Variants in ARIH1 observed in about 807,000 individuals in gnomAD.
ARIH1 encodes the protein ariadne RBR E3 ubiquitin protein ligase 1, also known as E3 ubiquitin-protein ligase ARIH1.
Under a neutral mutation model 85.0 loss-of-function variants are expected in ARIH1, and 8 were observed. The observed-to-expected ratio is 0.09, with a 90% CI of 0.06 to 0.17. ARIH1 has a LOEUF of 0.17. ARIH1 is among the 10% of genes least tolerant of loss of function. The pLI is 1.00. For missense variants in ARIH1, 311 were observed against 718.1 expected (o/e 0.43, Z 6.48); for synonymous variants, 238 against 253.6 (o/e 0.94, Z 0.59).
At chr15:72,558,784 G>C (rs2064185470) in intron 5 of ARIH1, among the ~76,000 whole-genome samples, 1 of 152,138 alleles carries the variant, frequency 6.6e-6, no homozygotes, top group Non-Finnish European at 1.5e-5. Context: ...CCTAATAACT[G>C]TTGGCTGATG....
chr15:72,586,114 C>G lies in ARIH1; in HGVS notation c.*2822C>G, dbSNP rs2064315627. ...AGCATATAATATCAGACTAAATTAT[C>G]TGTAATTTTCCACAACCCAGATTGT... On this transcript the variant is annotated 3_prime_UTR_variant, in exon 14 of 14. Coordinates refer to ENST00000379887, the MANE Select transcript of ARIH1 (RefSeq NM_005744.5). 6.6e-6 allele frequency: 1 copy of G among 152,156 alleles called. No homozygotes were observed. Among genetic ancestry groups the G allele is most frequent in the African/African-American group, 2.4e-5 (1 of 41,450 alleles). The allele number at this position is 152,156 out of a possible 1,614,324, so 9.4% of individuals were successfully genotyped here.
chr15:72,574,762 A>T (rs2064262484), intron 11 of ARIH1, among the ~76,000 whole-genome samples: 1 of 152,150 alleles, frequency 6.6e-6, no homozygotes, highest in Non-Finnish European at 1.5e-5. Flanking sequence ...GAGTAGGTAT[A>T]ACTGTTCCAA....
At chr15:72,562,110 G>A (rs537710538) in intron 6 of ARIH1, among the ~76,000 whole-genome samples, 91 of 152,258 alleles carry the variant, frequency 6.0e-4, no homozygotes, top group Admixed American at 9.8e-4. Flanking sequence ...GCTGAGAATT[G>A]TAGTAGATTA....
chr15:72,546,780 G>A (rs1013627813), intron 3 of ARIH1, among the ~76,000 whole-genome samples: 48 of 151,950 alleles, frequency 3.2e-4, no homozygotes, highest in African/African-American at 1.1e-3. Flanking sequence ...GTAGAGACGG[G>A]GTTTCACCAT....
intron 1 of ARIH1, among the ~76,000 whole-genome samples, chr15:72,489,870 CT>C (rs1366182886): frequency 6.6e-6 from 1 of 152,192 alleles, no homozygotes; most frequent in African/African-American, 2.4e-5. Context: ...TTACGGAAAG[CT>C]TTGCCCTCCA....
At chr15:72,556,384 T>C (rs1273520879) in intron 5 of ARIH1, among the ~76,000 whole-genome samples, 1 of 152,134 alleles carries the variant, frequency 6.6e-6, no homozygotes, top group Admixed American at 6.6e-5. Context: ...CTTCAGTGCA[T>C]AGATTGCCCA....
chr15:72,513,225 T>C (rs1433505901), intron 1 of ARIH1, among the ~76,000 whole-genome samples: 1 of 152,222 alleles, frequency 6.6e-6, no homozygotes. Context: ...TCCTCCTTTT[T>C]CTGCCTTTTG....
Position 72,563,453 on chromosome 15 carries a change from A to G in ARIH1, c.864A>G (p.Gln288=). 2 of 1,614,130 alleles carry G rather than the reference A, an allele frequency of 1.2e-6. No homozygotes were observed. The highest frequency in any genetic ancestry group is 1.7e-6 in the Non-Finnish European group (2 of 1,180,000). ...APDCHHVVKV[Q]YPDAKPVRCK... ...ATTGCCACCATGTTGTTAAAGTCCA[A>G]TATCCTGATGCTAAACCTGTTCGCT... is the stretch of plus-strand genomic sequence containing the variant. Residue 288 remains glutamine (Q), a synonymous_variant, in exon 7 of 14, where the codon CAA becomes CAG. Transcript: ENST00000379887.
rs780492906 is a variant in ARIH1 at position 72,601,216 on chromosome 15, G to A, written c.*17924G>A. ...ATCATCTCATTTGCAGCATCCTTTA[G>A]TTTACCCTAGATTATCAATTTTTGT... On this transcript the variant is annotated 3_prime_UTR_variant, in exon 14 of 14. Transcript: ENST00000379887. The A allele has an allele frequency of 6.6e-6, 1 of 152,072 alleles. No individual in the cohort carries two copies. The highest frequency in any genetic ancestry group is 1.5e-5 in the Non-Finnish European group (1 of 68,020). The allele number at this position is 152,072 out of a possible 1,614,324, so 9.4% of individuals were successfully genotyped here.
chr15:72,579,360 C>T (rs549227352), intron 11 of ARIH1, among the ~76,000 whole-genome samples: 1 of 150,832 alleles, frequency 6.6e-6, no homozygotes, highest in East Asian at 2.0e-4. Flanking sequence ...TGATCAAATT[C>T]AGATTCAGTG....
chr15:72,481,538 A>G (rs1194374113), intron 1 of ARIH1, among the ~76,000 whole-genome samples: 1 of 152,104 alleles, frequency 6.6e-6, no homozygotes, highest in Non-Finnish European at 1.5e-5. Context: ...GTGAAACACT[A>G]GCTGGGCGTG....
intron 2 of ARIH1, among the ~76,000 whole-genome samples, chr15:72,525,797 CT>C (rs200939487): frequency 0.031 from 4,472 of 145,612 alleles, 111 homozygotes; most frequent in East Asian, 0.12. Context: ...CCTCCACATT[CT>C]TTTTTTTTTT....
chr15:72,546,671 GTGTTTTGTTTGTTT>G (rs962636027), intron 3 of ARIH1, among the ~76,000 whole-genome samples: 9 of 151,758 alleles, frequency 5.9e-5, no homozygotes, highest in South Asian at 2.1e-4. Context: ...GTGTGTGTGT[GTGTTTTGTTTGTTT>G]TGTTTTGTTT....
chr15:72,544,553 T>TACACAC (rs3028479), intron 2 of ARIH1, among the ~76,000 whole-genome samples: 1 of 149,378 alleles, frequency 6.7e-6, no homozygotes, highest in African/African-American at 2.5e-5. Flanking sequence ...TTTACATACA[T>TACACAC]ACACACACAC....
chr15:72,490,291 A>T (rs2063853958), intron 1 of ARIH1, among the ~76,000 whole-genome samples: 1 of 151,622 alleles, frequency 6.6e-6, no homozygotes, highest in African/African-American at 2.4e-5. Context: ...CACCTTACTC[A>T]GTTTATTACA....
intron 3 of ARIH1, 134 bp from the exon 4 acceptor site, chr15:72,555,137 G>A (rs2064169580): frequency 1.6e-6 from 1 of 623,588 alleles, no homozygotes; most frequent in South Asian, 2.1e-5. Flanking sequence ...GTTCATTTTA[G>A]GAGCCCATCT....
At chr15:72,548,924 C>T (rs1275561184) in intron 3 of ARIH1, among the ~76,000 whole-genome samples, 1 of 152,088 alleles carries the variant, frequency 6.6e-6, no homozygotes, top group Non-Finnish European at 1.5e-5. Context: ...AGTTAACTGT[C>T]CTGAGTGGCT....
intron 3 of ARIH1, among the ~76,000 whole-genome samples, chr15:72,545,704 C>T (rs982778416): frequency 1.3e-5 from 2 of 152,196 alleles, no homozygotes; most frequent in Non-Finnish European, 2.9e-5. Flanking sequence ...TGGTGCATGT[C>T]TATAATCCCA....
chr15:72,513,452 T>G (rs1344806474), intron 1 of ARIH1, among the ~76,000 whole-genome samples: 1 of 152,154 alleles, frequency 6.6e-6, no homozygotes, highest in Non-Finnish European at 1.5e-5. Flanking sequence ...CTAGAAACAT[T>G]TAACTCTTCC....
Sources: allele counts gnomAD v4.1 joint callset (sites outside exome capture counted in the v4.1 genomes callset), GRCh38; gene constraint gnomAD v4.1.1; transcripts MANE v1.5; gene names NCBI Gene and HGNC (gene_info 2026-07-23, HGNC 2026-07-21).